SLC24A2: variants seen among roughly 807,000 people sequenced by gnomAD.
The protein encoded by SLC24A2 is solute carrier family 24 member 2, also known as sodium/potassium/calcium exchanger 2.
SLC24A2 carries 36 observed loss-of-function variants against 62.0 expected under a neutral mutation model. That is an observed-to-expected ratio of 0.58 (90% CI 0.44 to 0.77). The LOEUF (loss-of-function observed/expected upper bound fraction) is 0.77. SLC24A2 is among the 30% of genes least tolerant of loss of function. The probability of loss-of-function intolerance (pLI) is 0.00; values close to 1 mark genes in which losing one functional copy is unlikely to be tolerated. For missense variants in SLC24A2, 846 were observed against 817.9 expected (o/e 1.03, Z -0.42); for synonymous variants, 358 against 294.0 (o/e 1.22, Z -2.23).
intron 7 of SLC24A2, among the ~76,000 whole-genome samples, chr9:19,560,862 T>A (rs1835353379): frequency 6.6e-6 from 1 of 151,812 alleles, no homozygotes; most frequent in Admixed American, 6.6e-5. Context: ...TCTTTTAATT[T>A]CTCAATGTCT....
At chr9:19,969,702 G>C in the SLC24A2 span, among the ~76,000 whole-genome samples, 10 of 152,218 alleles carry the variant, frequency 6.6e-5, no homozygotes, top group Admixed American at 2.0e-4. Context: ...CAGAGAGAGA[G>C]AGCAGTGATG....
chr9:19,823,145 T>C, the SLC24A2 span, among the ~76,000 whole-genome samples: 1 of 152,156 alleles, frequency 6.6e-6, no homozygotes, highest in Non-Finnish European at 1.5e-5. Context: ...TCCTTGTAAG[T>C]ATGGGCTATC....
chr9:19,629,387 G>C (rs554328310), intron 2 of SLC24A2, among the ~76,000 whole-genome samples: 83 of 152,198 alleles, frequency 5.5e-4, no homozygotes, highest in Non-Finnish European at 9.7e-4. Flanking sequence ...TGATTGTTGT[G>C]AATTTAGAAT....
intron 2 of SLC24A2, among the ~76,000 whole-genome samples, chr9:19,626,005 T>A (rs887455911): frequency 6.6e-6 from 1 of 152,140 alleles, no homozygotes; most frequent in Admixed American, 6.5e-5. Flanking sequence ...CATTTCTTTA[T>A]AGGAATTTTG....
At chr9:20,067,506 C>T in the SLC24A2 span, among the ~76,000 whole-genome samples, 2 of 151,732 alleles carry the variant, frequency 1.3e-5, no homozygotes, top group Admixed American at 6.6e-5. Context: ...GCACAGTACC[C>T]AATAGGTAGG....
the SLC24A2 span, among the ~76,000 whole-genome samples, chr9:19,901,175 C>T: frequency 1.3e-5 from 2 of 152,164 alleles, no homozygotes; most frequent in Non-Finnish European, 2.9e-5. Context: ...GTAAGGGAGA[C>T]AGGCATGGTG....
the SLC24A2 span, among the ~76,000 whole-genome samples, chr9:20,296,196 T>A: frequency 1.3e-5 from 2 of 152,248 alleles, no homozygotes; most frequent in Admixed American, 6.5e-5. Flanking sequence ...ACGAAATGTA[T>A]AGACCACAAC....
the SLC24A2 span, among the ~76,000 whole-genome samples, chr9:19,819,779 T>C: frequency 6.6e-6 from 1 of 151,810 alleles, no homozygotes; most frequent in Non-Finnish European, 1.5e-5. Context: ...GTGCAGCCAC[T>C]ATGGAAAACA....
At chr9:19,639,211 T>C (rs574415902) in intron 2 of SLC24A2, among the ~76,000 whole-genome samples, 1 of 152,300 alleles carries the variant, frequency 6.6e-6, no homozygotes, top group East Asian at 1.9e-4. Context: ...TATAGGTAAT[T>C]GAGTGGATTT....
chr9:19,577,737 T>C (rs1836067790), intron 5 of SLC24A2, among the ~76,000 whole-genome samples: 1 of 151,880 alleles, frequency 6.6e-6, no homozygotes, highest in South Asian at 2.1e-4. Context: ...TGGACATGCA[T>C]ATTTATAGCA....
At chr9:19,530,694 A>T (rs145967739) in intron 8 of SLC24A2, among the ~76,000 whole-genome samples, 5 of 152,346 alleles carry the variant, frequency 3.3e-5, no homozygotes, top group Non-Finnish European at 5.9e-5. Context: ...TCAATATTTG[A>T]TGCCCATGAT....
At chr9:19,971,128 T>C in the SLC24A2 span, among the ~76,000 whole-genome samples, 1 of 152,210 alleles carries the variant, frequency 6.6e-6, no homozygotes. Flanking sequence ...TGTATTTGCA[T>C]TATCCTTCTG....
At chr9:20,304,506 T>C in the SLC24A2 span, among the ~76,000 whole-genome samples, 1 of 152,232 alleles carries the variant, frequency 6.6e-6, no homozygotes, top group East Asian at 1.9e-4. Flanking sequence ...TTCTCATTGG[T>C]ATTTTATATA....
At chr9:19,530,919 C>G (rs1025929959) in intron 8 of SLC24A2, among the ~76,000 whole-genome samples, 1 of 152,130 alleles carries the variant, frequency 6.6e-6, no homozygotes, top group African/African-American at 2.4e-5. Context: ...CACACGTGCT[C>G]CCAATATCTA....
intron 2 of SLC24A2, among the ~76,000 whole-genome samples, chr9:19,723,550 T>C (rs974144507): frequency 6.6e-6 from 1 of 152,180 alleles, no homozygotes; most frequent in African/African-American, 2.4e-5. Context: ...ACATAGACTC[T>C]GTGAAATAAG....
chr9:20,165,045 T>A, the SLC24A2 span, among the ~76,000 whole-genome samples: 1 of 148,786 alleles, frequency 6.7e-6, no homozygotes, highest in African/African-American at 2.5e-5. Context: ...AATGACGAGT[T>A]AATGGGTGCA....
chr9:20,140,854 C>T, the SLC24A2 span, among the ~76,000 whole-genome samples: 3 of 152,170 alleles, frequency 2.0e-5, no homozygotes, highest in African/African-American at 4.8e-5. Context: ...GCCTTAGAAA[C>T]GAAAGTCCTG....
At chr9:19,968,952 A>C in the SLC24A2 span, among the ~76,000 whole-genome samples, 1 of 152,140 alleles carries the variant, frequency 6.6e-6, no homozygotes, top group Admixed American at 6.6e-5. Flanking sequence ...GATGGCATTA[A>C]AGTCATACCC....
At chr9:20,119,447 G>A in the SLC24A2 span, among the ~76,000 whole-genome samples, 24 of 152,024 alleles carry the variant, frequency 1.6e-4, no homozygotes, top group African/African-American at 5.8e-4. Context: ...TGCAAAGTTG[G>A]TATAACATTC....
Sources: gnomAD v4.1 joint callset for allele counts (sites outside exome capture counted in the v4.1 genomes callset) on GRCh38, gnomAD v4.1.1 for gene constraint, MANE v1.5 for transcripts, NCBI Gene and HGNC (gene_info 2026-07-23, HGNC 2026-07-21) for gene names.